The following NRG1 variants were observed in gnomAD, a reference collection of about 807,000 sequenced individuals.
NRG1 encodes neuregulin 1, also known as pro-neuregulin-1, membrane-bound isoform.
NRG1 carries 18 observed loss-of-function variants against 63.8 expected under a neutral mutation model. That is an observed-to-expected ratio of 0.28 (90% CI 0.19 to 0.42). The LOEUF is 0.42. NRG1 is among the 10% of genes least tolerant of loss of function. The probability of loss-of-function intolerance (pLI) is 1.00; values close to 1 mark genes in which losing one functional copy is unlikely to be tolerated. For missense variants in NRG1, 762 were observed against 814.7 expected (o/e 0.94, Z 0.79); for synonymous variants, 302 against 301.3 (o/e 1.00, Z -0.02).
At chr8:32,595,500 C>CTT (rs1843198183) in intron 1 of NRG1, among the ~76,000 whole-genome samples, 1 of 152,030 alleles carries the variant, frequency 6.6e-6, no homozygotes, top group African/African-American at 2.4e-5. Context: ...ACATACGCTC[C>CTT]TTTAACACAG....
intron 1 of NRG1, among the ~76,000 whole-genome samples, chr8:31,968,772 TTTAG>T (rs1806797849): frequency 6.6e-6 from 1 of 152,132 alleles, no homozygotes; most frequent in African/African-American, 2.4e-5. Context: ...GGCCCTGGTT[TTTAG>T]TTTGAGGGAT....
Position 32,076,320 on chromosome 8 carries a change from T to G in NRG1, c.37+436889T>G, listed in dbSNP as rs1006229392. Among the ~76,000 whole-genome samples, 11 of 152,318 alleles carry G rather than the reference T, an allele frequency of 7.2e-5. No individual in the cohort carries two copies. The South Asian group carries it at 1.2e-3, about 17-fold the overall frequency. On this transcript the variant is annotated intron_variant, in intron 1 of 10. Coordinates refer to the NRG1 transcript ENST00000519301. Reference sequence around the variant, plus strand: ...TGACCATTTTTGGTTGGCTCTTATCTCTGTGACTGATCATGTATGCGTATT... The same window carrying G: ...TGACCATTTTTGGTTGGCTCTTATCGCTGTGACTGATCATGTATGCGTATT...
intron 1 of NRG1, among the ~76,000 whole-genome samples, chr8:32,520,081 T>C (rs1489308820): frequency 6.6e-6 from 1 of 152,130 alleles, no homozygotes; most frequent in Non-Finnish European, 1.5e-5. Flanking sequence ...ATGTGTATAC[T>C]TAGGGGGTTA....
intron 1 of NRG1, among the ~76,000 whole-genome samples, chr8:32,573,149 C>T (rs1323749735): frequency 6.6e-6 from 1 of 152,110 alleles, no homozygotes. Flanking sequence ...GTTCATAGAC[C>T]TCAAAATGCA....
chr8:32,362,682 T>A (rs1165202268), intron 1 of NRG1, among the ~76,000 whole-genome samples: 1 of 152,234 alleles, frequency 6.6e-6, no homozygotes, highest in African/African-American at 2.4e-5. Context: ...AGTAGAACTT[T>A]TCACAATCTC....
intron 3 of NRG1, among the ~76,000 whole-genome samples, chr8:32,608,738 C>T (rs548560543): frequency 1.3e-5 from 2 of 151,934 alleles, no homozygotes; most frequent in South Asian, 2.1e-4. Flanking sequence ...CTTTAATATG[C>T]TTCTGATAGT....
At chr8:32,747,732 G>GTATGTA (rs1554662219) in intron 7 of NRG1, among the ~76,000 whole-genome samples, 1 of 132,122 alleles carries the variant, frequency 7.6e-6, no homozygotes, top group Non-Finnish European at 1.6e-5. Flanking sequence ...ATGTGTGTGT[G>GTATGTA]TATATATATA....
chr8:32,010,013 C>A (rs1814486307), intron 1 of NRG1, among the ~76,000 whole-genome samples: 8 of 151,898 alleles, frequency 5.3e-5, no homozygotes, highest in Admixed American at 5.3e-4. Context: ...GATGTAATCT[C>A]TCCTTGGAGG....
chr8:32,007,876 A>G (rs1326407722), intron 1 of NRG1, among the ~76,000 whole-genome samples: 3 of 151,892 alleles, frequency 2.0e-5, no homozygotes, highest in Non-Finnish European at 2.9e-5. Flanking sequence ...GGTGCCCATA[A>G]TGACTGTACC....
intron 1 of NRG1, among the ~76,000 whole-genome samples, chr8:32,471,306 C>G (rs1202540717): frequency 1.3e-5 from 2 of 152,334 alleles, no homozygotes; most frequent in East Asian, 1.9e-4. Context: ...ACCTTACCTA[C>G]TGCTCCTTTT....
At position 32,247,343 on chromosome 8, in the gene NRG1, T is replaced by C. The variant is rs111290368; in HGVS notation, c.38-348485T>C. ...CATACAATTTCTGAAATATTTATACTGATAACATTCTGCCCATACAGATTT... is the reference window on the plus strand; with the variant it reads ...CATACAATTTCTGAAATATTTATACCGATAACATTCTGCCCATACAGATTT... On this transcript the variant is annotated intron_variant, in intron 1 of 10. Transcript: ENST00000519301. Among the ~76,000 whole-genome samples, 29 of 152,254 alleles carry C rather than the reference T, an allele frequency of 1.9e-4. 1 individual carries two copies. The highest frequency in any genetic ancestry group is 5.5e-4 in the African/African-American group (23 of 41,576).
intron 1 of NRG1, among the ~76,000 whole-genome samples, chr8:31,796,625 A>T (rs986684314): frequency 1.3e-5 from 2 of 151,494 alleles, no homozygotes; most frequent in African/African-American, 4.9e-5. Context: ...TTTAGTAGAG[A>T]TGGGGGTTTC....
At chr8:32,684,673 C>A (rs28500487) in intron 5 of NRG1, among the ~76,000 whole-genome samples, 12,960 of 151,928 alleles carry the variant, frequency 0.085, 585 homozygotes, top group Middle Eastern at 0.096. Context: ...TATGGGGGAA[C>A]CTTTCTACTT....
At chr8:32,122,090 A>C (rs184248157) in intron 1 of NRG1, among the ~76,000 whole-genome samples, 1 of 152,158 alleles carries the variant, frequency 6.6e-6, no homozygotes, top group East Asian at 1.9e-4. Flanking sequence ...GATTCTAAAT[A>C]GGTGAGCTGT....
At chr8:32,296,852 C>A (rs761611023) in intron 1 of NRG1, among the ~76,000 whole-genome samples, 2 of 152,032 alleles carry the variant, frequency 1.3e-5, no homozygotes, top group Non-Finnish European at 2.9e-5. Context: ...TGTGGTGGTT[C>A]ATGCCTGTAA....
chr8:32,580,035 A>C (rs571403818), intron 1 of NRG1, among the ~76,000 whole-genome samples: 9 of 152,292 alleles, frequency 5.9e-5, no homozygotes, highest in African/African-American at 2.2e-4. Flanking sequence ...GATTGGGTGA[A>C]CCTGGATAAT....
intron 1 of NRG1, among the ~76,000 whole-genome samples, chr8:32,336,399 A>G (rs1414029613): frequency 6.6e-6 from 1 of 152,160 alleles, no homozygotes; most frequent in Non-Finnish European, 1.5e-5. Flanking sequence ...GTCGTTTCCA[A>G]AACCCTCATG....
chr8:31,763,866 C>T lies in NRG1; in HGVS notation c.37+124435C>T, dbSNP rs551621413. Among the ~76,000 whole-genome samples the T allele has an allele frequency of 2.4e-4, 37 of 152,124 alleles. No homozygotes were observed. The South Asian group carries it at 3.5e-3, about 15-fold the overall frequency. The stretch of plus-strand genomic sequence containing the variant: ...TTGGGAGGCTGAGGCAGGAGAATGG[C>T]GTGAACCTGGGAGGCAGAGCTTGCA... On this transcript the variant is annotated intron_variant, in intron 1 of 10. Coordinates refer to the NRG1 transcript ENST00000519301.
At chr8:32,548,158 G>C (rs1833313613), upstream of NRG1, 1 of 936,506 alleles carries the variant, frequency 1.1e-6, no homozygotes, top group Admixed American at 6.2e-5. Flanking sequence ...GCTCCTCCCG[G>C]TGGCGTGTCC....
Sources: allele counts gnomAD v4.1 joint callset (sites outside exome capture counted in the v4.1 genomes callset), GRCh38; gene constraint gnomAD v4.1.1; transcripts MANE v1.5; gene names NCBI Gene and HGNC (gene_info 2026-07-23, HGNC 2026-07-21).